The following EVC2 variants were observed in gnomAD, a reference collection of about 807,000 sequenced individuals.
The protein encoded by EVC2 is EvC ciliary complex subunit 2.
In EVC2, 148 loss-of-function variants were observed where a neutral mutation model predicts 149.3. The ratio of observed to expected loss-of-function variants is 0.99; its 90% CI spans 0.87 to 1.14. The LOEUF is 1.14. EVC2 is among the 50% of genes most tolerant of loss of function. The pLI, the probability that EVC2 is intolerant of heterozygous loss-of-function variation, is 0.00. For missense variants in EVC2, 1,854 were observed against 1,627.3 expected, an observed-to-expected ratio of 1.14 and a Z score of -2.40; for synonymous variants, 776 against 649.9, an observed-to-expected ratio of 1.19 and a Z score of -2.95.
intron 12 of EVC2, 125 bp downstream of exon 12, chr4:5,628,434 G>T: frequency 8.0e-7 from 1 of 1,256,552 alleles, no homozygotes; most frequent in South Asian, 1.3e-5. Context: ...GAACTTCCCA[G>T]CCTCTAGAAC....
rs758538836 is a variant in EVC2 at position 5,618,466 on chromosome 4, G to A, written c.2706+12C>T. 3 of 1,612,376 alleles carry A rather than the reference G, an allele frequency of 1.9e-6. No homozygotes were observed. The African/African-American group carries it at 4.0e-5, about 22-fold the overall frequency. ...CTGCTTCTGTAATCGGCCACTGACA[G>A]GTCCATCCTACCTGCAGCTCAGGGG... On this transcript the variant is annotated intron_variant, in intron 15 of 21. Coordinates refer to ENST00000344408, the MANE Select transcript of EVC2 (RefSeq NM_147127.5). The surrounding 1 kb of genome is among the most constrained non-coding windows in gnomAD (Gnocchi z 4.4).
chr4:5,639,325 T>C (rs997465180), intron 10 of EVC2, among the ~76,000 whole-genome samples: 12 of 152,228 alleles, frequency 7.9e-5, no homozygotes. Context: ...AGCCATTTCT[T>C]TCACATAGGA....
chr4:5,631,568 G>GC (rs1553837135), intron 11 of EVC2, among the ~76,000 whole-genome samples: 1 of 75,574 alleles, frequency 1.3e-5, no homozygotes, highest in Non-Finnish European at 2.6e-5. Context: ...GCAGTAGACT[G>GC]GGGGGGGGAA....
chr4:5,695,801 C>G (rs1721437642), intron 2 of EVC2, among the ~76,000 whole-genome samples: 1 of 152,122 alleles, frequency 6.6e-6, no homozygotes, highest in Non-Finnish European at 1.5e-5. Context: ...GTCTTTCTTA[C>G]CCAGCATATT....
At chr4:5,571,187 G>A (rs1016493402) in intron 19 of EVC2, among the ~76,000 whole-genome samples, 10 of 151,710 alleles carry the variant, frequency 6.6e-5, no homozygotes, top group Non-Finnish European at 1.3e-4. Context: ...GCGTGGTGGC[G>A]TGTGCCTGTA....
chr4:5,663,899 A>C (rs12502665), intron 8 of EVC2, among the ~76,000 whole-genome samples: 109,640 of 151,794 alleles, frequency 0.72, 39,733 homozygotes, highest in East Asian at 0.75. Context: ...CCATCCTGGG[A>C]GACAGAGTGA....
chr4:5,639,898 T>C (rs372548103), intron 10 of EVC2, among the ~76,000 whole-genome samples: 1 of 152,204 alleles, frequency 6.6e-6, no homozygotes, highest in Non-Finnish European at 1.5e-5. Flanking sequence ...GATTATGAAC[T>C]TCTTGAATGG....
intron 17 of EVC2, among the ~76,000 whole-genome samples, chr4:5,577,973 C>G (rs1224055347): frequency 6.6e-6 from 1 of 152,156 alleles, no homozygotes; most frequent in East Asian, 1.9e-4. Context: ...CTGTCTGTGT[C>G]ATCAGAGGAA....
chr4:5,653,716 A>C (rs555365513), intron 9 of EVC2, among the ~76,000 whole-genome samples: 1 of 152,346 alleles, frequency 6.6e-6, no homozygotes, highest in East Asian at 1.9e-4. Flanking sequence ...GTACTAAGGG[A>C]AACTGGGTCT....
At chr4:5,668,968 C>G (rs1005443981) in intron 7 of EVC2, among the ~76,000 whole-genome samples, 1 of 152,134 alleles carries the variant, frequency 6.6e-6, no homozygotes, top group African/African-American at 2.4e-5. Context: ...ATCCAATGAT[C>G]GTGTCTTCAT....
intron 21 of EVC2, among the ~76,000 whole-genome samples, chr4:5,549,397 AG>A (rs1382228983): frequency 1.3e-5 from 2 of 152,226 alleles, no homozygotes; most frequent in African/African-American, 4.8e-5. Context: ...AGGTAGTCTG[AG>A]GGGCTAAGCA....
At chr4:5,571,128 C>T (rs1722618772) in intron 19 of EVC2, among the ~76,000 whole-genome samples, 1 of 151,798 alleles carries the variant, frequency 6.6e-6, no homozygotes, top group Non-Finnish European at 1.5e-5. Flanking sequence ...CCAGTCTGGC[C>T]AACGTGGTGA....
chr4:5,615,516 G>C lies in EVC2; in HGVS notation c.2735C>G (p.Ser912Cys). Residue 912 changes from serine to cysteine, a missense_variant, in exon 16 of 22, where the codon TCC becomes TGC. Ser to Cys is a moderately radical substitution (Grantham distance 112). Coordinates refer to ENST00000344408, the MANE Select transcript of EVC2 (RefSeq NM_147127.5). ...QQQSKVRKSR[S>C]KSKSKGELLK... ...AAGCTCTCCCTTGCTTTTACTCTTG[G>C]ACCGTGACTTTCTCACCTTGGACTG... 1 of 1,614,158 alleles carries C rather than the reference G, an allele frequency of 6.2e-7. No individual in the cohort carries two copies.
chr4:5,615,377 C>G, intron 16 of EVC2, 45 bp downstream of exon 16: 3 of 1,613,616 alleles, frequency 1.9e-6, no homozygotes, highest in Non-Finnish European at 2.5e-6. Context: ...AGAGCAGCCC[C>G]GCCATGTGCA....
chr4:5,635,727 T>C (rs530949954), intron 10 of EVC2, among the ~76,000 whole-genome samples: 1 of 152,242 alleles, frequency 6.6e-6, no homozygotes, highest in Non-Finnish European at 1.5e-5. Context: ...AGAATTCTTG[T>C]GCTGAGGACA....
Position 5,615,446 on chromosome 4 carries a change from C to G in EVC2, c.2805G>C (p.Gln935His), listed in dbSNP as rs745801169. The part of the protein sequence containing the change: ...IEDKIHLCEE[Q>H]ASEDLVEKVR... Reference sequence around the variant, plus strand: ...CCTTTTCCACCAGGTCTTCAGAGGCCTGTTCCTCACAGAGGTGAATTTTGT... The same window carrying G: ...CCTTTTCCACCAGGTCTTCAGAGGCGTGTTCCTCACAGAGGTGAATTTTGT... Residue 935 changes from glutamine (Q) to histidine (H), a missense_variant, in exon 16 of 22, where the codon CAG becomes CAC. Transcript: ENST00000344408. The G allele has an allele frequency of 6.2e-7, 1 of 1,614,084 alleles. No homozygotes were observed. The highest frequency in any genetic ancestry group is 1.3e-5 in the African/African-American group (1 of 74,924).
intron 9 of EVC2, among the ~76,000 whole-genome samples, chr4:5,645,927 T>C (rs932245836): frequency 9.9e-5 from 15 of 152,152 alleles, no homozygotes; most frequent in African/African-American, 3.1e-4. Context: ...AACACCTGTT[T>C]ATTTTTTTAT....
intron 16 of EVC2, among the ~76,000 whole-genome samples, chr4:5,588,429 T>A (rs190977427): frequency 2.5e-3 from 383 of 152,334 alleles, no homozygotes; most frequent in African/African-American, 8.2e-3. Flanking sequence ...TGTGAGTTTA[T>A]AGTTGTCATC....
rs144420242 is a variant in EVC2 at position 5,622,978 on chromosome 4, C to T, written c.2060G>A (p.Arg687His). 1,083 of 1,613,612 alleles carry T rather than the reference C, an allele frequency of 6.7e-4. 2 individuals carry two copies. The highest frequency in any genetic ancestry group is 1.0e-3 in the South Asian group (91 of 91,046). ...CTCGCCGACGGACGCCTGCTCCCTACGCTGCTCCCTGTGCTGGAGTTTCAG... is the reference window on the plus strand; with the variant it reads ...CTCGCCGACGGACGCCTGCTCCCTATGCTGCTCCCTGTGCTGGAGTTTCAG... The part of the protein sequence containing the change: ...RELLQKHREQ[R>H]REQASVGEAF... Residue 687 changes from arginine (R) to histidine (H), a missense_variant, in exon 14 of 22, where the codon CGT becomes CAT. Arg to His is a conservative substitution (Grantham distance 29). Transcript: ENST00000344408. This position sits in a 1 kb window ranked among gnomAD's most constrained non-coding sequence, Gnocchi z 5.8.
Sources: gnomAD v4.1 joint callset for allele counts (sites outside exome capture counted in the v4.1 genomes callset) on GRCh38, gnomAD v4.1.1 for gene constraint, Gnocchi (gnomAD v3.1) non-coding constraint, MANE v1.5 for transcripts, NCBI Gene and HGNC (gene_info 2026-07-23, HGNC 2026-07-21) for gene names.